CDHR5: variants seen among roughly 807,000 people sequenced by gnomAD.
CDHR5 encodes cadherin related family member 5.
A neutral mutation model predicts 69.5 loss-of-function variants in CDHR5; 82 were observed. That is an observed-to-expected ratio of 1.18 (90% CI 0.99 to 1.42). CDHR5 has a LOEUF of 1.42. CDHR5 is among the 40% of genes most tolerant of loss of function. The pLI is 0.00. For synonymous variants in CDHR5, 601 were observed against 510.2 expected (o/e 1.18, Z -2.40); for missense variants, 1,293 against 1,168.9 (o/e 1.11, Z -1.55).
intron 7 of CDHR5, among the ~76,000 whole-genome samples, 166 bp downstream of exon 7, chr11:620,914 G>T (rs1857334932): frequency 1.3e-5 from 2 of 152,182 alleles, no homozygotes; most frequent in South Asian, 2.1e-4. Flanking sequence ...CTCAAGATGG[G>T]AAGGGTTGGT....
chr11:621,774 A>G lies in CDHR5; in HGVS notation c.405+38T>C, dbSNP rs748773769. The G allele has an allele frequency of 6.3e-7, 1 of 1,581,902 alleles. No homozygotes were observed. The highest frequency in any genetic ancestry group is 2.2e-5 in the East Asian group (1 of 44,678). ...TCCTGCCCTCACCCTGGGCTCCCAC[A>G]CCCCCGTGCCCAGTCCCCGCGGCTT... On this transcript the variant is annotated intron_variant, in intron 4 of 14. Transcript: ENST00000397542. The surrounding 1 kb of genome is among the most constrained non-coding windows in gnomAD (Gnocchi z 4.4).
chr11:621,757 T>A lies in CDHR5; in HGVS notation c.405+55A>T. On this transcript the variant is annotated intron_variant, in intron 4 of 14. Transcript: ENST00000397542. The surrounding 1 kb of genome is among the most constrained non-coding windows in gnomAD (Gnocchi z 4.4). ...CCCGGCCACCACTCACCTCCTGCCCTCACCCTGGGCTCCCACACCCCCGTG... is the reference window on the plus strand; with the variant it reads ...CCCGGCCACCACTCACCTCCTGCCCACACCCTGGGCTCCCACACCCCCGTG... The A allele has an allele frequency of 6.4e-7, 1 of 1,565,790 alleles. No homozygotes were observed. Among genetic ancestry groups the A allele is most frequent in the Non-Finnish European group, 8.8e-7 (1 of 1,137,620 alleles).
At position 624,543 on chromosome 11, in the gene CDHR5, C is replaced by G. The variant is rs1325531251; in HGVS notation, c.261+14G>C. The G allele has an allele frequency of 6.2e-7, 1 of 1,604,976 alleles. No homozygotes were observed. Among genetic ancestry groups the G allele is most frequent in the Non-Finnish European group, 8.5e-7 (1 of 1,173,952 alleles). ...TCCCGGGACCCCCATATCCCGCCCG[C>G]CTGCCGCCCACACCTCGTAATCAGG... On this transcript the variant is annotated intron_variant, in intron 2 of 14. Transcript: ENST00000397542. The surrounding 1 kb of genome is among the most constrained non-coding windows in gnomAD (Gnocchi z 5.3).
chr11:619,363 C>G lies in CDHR5; in HGVS notation c.1321G>C (p.Gly441Arg), dbSNP rs777597024. 2.5e-6 allele frequency: 4 copies of G among 1,613,772 alleles called. No individual in the cohort carries two copies. The highest frequency in any genetic ancestry group is 3.4e-6 in the Non-Finnish European group (4 of 1,179,846). ...ATCTCAATGACTGTGGTTGCGGTGC[C>G]AGAGGTCACCGTGTTGTGGGCCTCA... is the stretch of plus-strand genomic sequence containing the variant. ...EVEAHNTVTS[G>R]TATTVIEIQV... Residue 441 changes from glycine to arginine, a missense_variant, in exon 12 of 15, where the codon GGC becomes CGC. By Grantham distance (125) the Gly-to-Arg change is moderately radical. Transcript: ENST00000397542.
Position 617,710 on chromosome 11 carries a change from C to T in CDHR5, c.2179G>A (p.Ala727Thr), listed in dbSNP as rs982524956. 67 of 1,459,750 alleles carry T rather than the reference C, an allele frequency of 4.6e-5. No homozygotes were observed. Among genetic ancestry groups the T allele is most frequent in the African/African-American group, 8.6e-5 (6 of 70,164 alleles). 90.4% of individuals were successfully genotyped at this position (1,459,750 alleles called of 1,614,324 possible). A position where few individuals can be genotyped will look rare whatever the true frequency, so the allele number is the denominator to read the frequency against. Reference protein sequence around the residue: ...AFLPDHKANWAPVPSPTHDPK... With the variant: ...AFLPDHKANWTPVPSPTHDPK... Reference sequence around the variant, plus strand: ...TCGTGCGTGGGGCTGGGGACGGGCGCCCAGTTGGCCTTGTGGTCAGGGAGG... The same window carrying T: ...TCGTGCGTGGGGCTGGGGACGGGCGTCCAGTTGGCCTTGTGGTCAGGGAGG... The change falls in exon 15 of 15, where the codon GCG (alanine) becomes ACG (threonine). Residue 727 changes from alanine (A) to threonine (T), a missense_variant. Ala to Thr is a moderately conservative substitution (Grantham distance 58). Transcript: ENST00000397542.
Position 624,008 on chromosome 11 carries a change from G to A in CDHR5, c.312+205C>T, listed in dbSNP as rs1024540363. 1.3e-5 allele frequency among the ~76,000 whole-genome samples: 2 copies of A among 152,118 alleles called. No homozygotes were observed. Among genetic ancestry groups the A allele is most frequent in the Non-Finnish European group, 2.9e-5 (2 of 68,000 alleles). On this transcript the variant is annotated intron_variant, in intron 3 of 14. Coordinates refer to ENST00000397542, the MANE Select transcript of CDHR5 (RefSeq NM_021924.5). This position sits in a 1 kb window ranked among gnomAD's most constrained non-coding sequence, Gnocchi z 5.3. ...TGGGAGTCTTGGGCACACTGGATGG[G>A]GTGTCTGCTGGACAAGGGGTCAGTG...
rs1310819705 is a variant in CDHR5 at position 619,304 on chromosome 11, AC to A, written c.1378+1del. ...GGGGCTCACCTGTGGAGGGGGGCTTACCTGTGGAGGGGGGCTCCTGTTCGGA... is the reference window on the plus strand; with the variant it reads ...GGGGCTCACCTGTGGAGGGGGGCTTACTGTGGAGGGGGGCTCCTGTTCGGA... On this transcript the variant is annotated splice_donor_variant, in intron 12 of 14. Transcript: ENST00000397542. LOFTEE classifies it high-confidence loss of function. 1 of 1,600,384 alleles carries A rather than the reference AC, an allele frequency of 6.2e-7. No homozygotes were observed. Among genetic ancestry groups the A allele is most frequent in the Admixed American group, 1.7e-5 (1 of 59,840 alleles).
chr11:621,174 A>G lies in CDHR5; in HGVS notation c.695T>C (p.Leu232Pro). Residue 232 changes from leucine (L) to proline (P), a missense_variant, in exon 7 of 15, where the codon CTG (leucine) becomes CCG (proline). Coordinates refer to ENST00000397542, the MANE Select transcript of CDHR5 (RefSeq NM_021924.5). This position sits in a 1 kb window ranked among gnomAD's most constrained non-coding sequence, Gnocchi z 4.4. ...GCAGGGCAGGAACCACGGGGGCCGC[A>G]GGTCGGCGGGCACCACGTTCAGCAC... is the stretch of plus-strand genomic sequence containing the variant. Reference protein sequence around the residue: ...TLVLNVVPADLRPPWFLPCTF... With the variant: ...TLVLNVVPADPRPPWFLPCTF... 1 of 1,605,688 alleles carries G rather than the reference A, an allele frequency of 6.2e-7. No individual in the cohort carries two copies. Among genetic ancestry groups the G allele is most frequent in the Non-Finnish European group, 8.5e-7 (1 of 1,175,688 alleles).
Position 618,671 on chromosome 11 carries a change from C to G in CDHR5, c.1888G>C (p.Gly630Arg). The G allele has an allele frequency of 6.3e-7, 1 of 1,591,890 alleles. No individual in the cohort carries two copies. The highest frequency in any genetic ancestry group is 1.7e-5 in the Admixed American group (1 of 57,312). ...GGCTCTGGGGTCTGTGCTGTGCCCC[C>G]ACCGGGTGTGGTTGGTTGGTGGGAG... is the stretch of plus-strand genomic sequence containing the variant. ...STSHQPTTPG[G>R]GTAQTPEPGT... The change falls in exon 13 of 15, where the codon GGG becomes CGG. Residue 630 changes from glycine to arginine, a missense_variant. Coordinates refer to ENST00000397542, the MANE Select transcript of CDHR5 (RefSeq NM_021924.5).
At position 618,675 on chromosome 11, in the gene CDHR5, G is replaced by A. The variant is rs142670659; in HGVS notation, c.1884C>T (p.Pro628=). 29,726 of 1,597,176 alleles carry A rather than the reference G, an allele frequency of 0.019. 347 individuals are homozygous for A. The highest frequency in any genetic ancestry group is 0.035 in the South Asian group (3,129 of 90,334). The stretch of plus-strand genomic sequence containing the variant: ...CTGGGGTCTGTGCTGTGCCCCCACC[G>A]GGTGTGGTTGGTTGGTGGGAGGTGC... ...GTSTSHQPTT[P]GGGTAQTPEP... Residue 628 remains proline (P), a synonymous_variant, in exon 13 of 15, where the codon CCC becomes CCT. Transcript: ENST00000397542.
chr11:619,072 G>A lies in CDHR5; in HGVS notation c.1487C>T (p.Ser496Phe), dbSNP rs1026698911. The A allele has an allele frequency of 2.9e-5, 46 of 1,612,606 alleles. No homozygotes were observed. Among genetic ancestry groups the A allele is most frequent in the Non-Finnish European group, 3.8e-5 (45 of 1,179,700 alleles). The change falls in exon 13 of 15, where the codon TCT (serine) becomes TTT (phenylalanine). Residue 496 changes from serine to phenylalanine, a missense_variant. Coordinates refer to ENST00000397542, the MANE Select transcript of CDHR5 (RefSeq NM_021924.5). ...TGGATGAGGGCCTGTGCCTCCCCCA[G>A]AGCTGGTCGTGGAGGGTCCCTGGGA... ...EPSQGPSTTS[S>F]GGGTGPHPPS... is the part of the protein sequence containing the mutation.
At position 620,281 on chromosome 11, in the gene CDHR5, C is replaced by T; in HGVS notation, c.880+15G>A. Reference sequence around the variant, plus strand: ...AGGGGGTACAGGGCATTGTTGAGGGCTGGGCCCCACTCACCCCTAAAGATG... The same window carrying T: ...AGGGGGTACAGGGCATTGTTGAGGGTTGGGCCCCACTCACCCCTAAAGATG... On this transcript the variant is annotated intron_variant, in intron 8 of 14. Transcript: ENST00000397542. 6.2e-7 allele frequency: 1 copy of T among 1,603,434 alleles called. No homozygotes were observed. Among genetic ancestry groups the T allele is most frequent in the Non-Finnish European group, 8.5e-7 (1 of 1,172,538 alleles).
chr11:624,096 G>T lies in CDHR5; in HGVS notation c.312+117C>A. 1.5e-6 allele frequency: 1 copy of T among 666,664 alleles called. No homozygotes were observed. Among genetic ancestry groups the T allele is most frequent in the Non-Finnish European group, 2.8e-6 (1 of 360,448 alleles). 41.3% of individuals were successfully genotyped at this position (666,664 alleles called of 1,614,324 possible). On this transcript the variant is annotated intron_variant, in intron 3 of 14. Transcript: ENST00000397542. This position sits in a 1 kb window ranked among gnomAD's most constrained non-coding sequence, Gnocchi z 5.3. ...AGGAAATGTGGGCATCACCCTCGGG[G>T]GGGTGGAATTTGAAACCACACCCTA...
At position 624,542 on chromosome 11, in the gene CDHR5, G is replaced by A. The variant is rs759377604; in HGVS notation, c.261+15C>T. On this transcript the variant is annotated intron_variant, in intron 2 of 14. Transcript: ENST00000397542. The surrounding 1 kb of genome is among the most constrained non-coding windows in gnomAD (Gnocchi z 5.3). The stretch of plus-strand genomic sequence containing the variant: ...CTCCCGGGACCCCCATATCCCGCCC[G>A]CCTGCCGCCCACACCTCGTAATCAG... 89 of 1,604,578 alleles carry A rather than the reference G, an allele frequency of 5.5e-5. 1 individual carries two copies. The highest frequency in any genetic ancestry group is 2.7e-4 in the East Asian group (12 of 44,740).
rs1205028484 is a variant in CDHR5 at position 617,163 on chromosome 11, C to T, written c.*188G>A. The T allele has an allele frequency of 3.3e-6, 2 of 601,260 alleles. No individual in the cohort carries two copies. Among genetic ancestry groups the T allele is most frequent in the East Asian group, 2.8e-5 (1 of 35,608 alleles). The allele number at this position is 601,260 out of a possible 1,614,324, so 37.2% of individuals were successfully genotyped here. A position where few individuals can be genotyped will look rare whatever the true frequency, so the allele number is the denominator to read the frequency against. On this transcript the variant is annotated 3_prime_UTR_variant, in exon 15 of 15. Coordinates refer to ENST00000397542, the MANE Select transcript of CDHR5 (RefSeq NM_021924.5). ...AGCGTGGCCAGACCCACCGCCTCAT[C>T]TGCACACCTGGGCTCAAGCGCTAAT...
chr11:623,671 G>A (rs1252981774), intron 3 of CDHR5, among the ~76,000 whole-genome samples: 1 of 152,110 alleles, frequency 6.6e-6, no homozygotes. Context: ...GCTGGGGTGG[G>A]CTGGGCAGCC....
Position 617,727 on chromosome 11 carries a change from T to C in CDHR5, c.2162A>G (p.Asp721Gly), listed in dbSNP as rs908269069. 2.7e-6 allele frequency: 4 copies of C among 1,460,622 alleles called. No homozygotes were observed. The African/African-American group carries it at 5.7e-5, about 21-fold the overall frequency. The allele number at this position is 1,460,622 out of a possible 1,614,324, so 90.5% of individuals were successfully genotyped here. A position where few individuals can be genotyped will look rare whatever the true frequency, so the allele number is the denominator to read the frequency against. Residue 721 changes from aspartate to glycine, a missense_variant, in exon 15 of 15, where the codon GAC (aspartate) becomes GGC (glycine). Physicochemically the swap from Asp to Gly is moderately conservative, Grantham distance 94. Transcript: ENST00000397542. ...QGFDNQAFLP[D>G]HKANWAPVPS... ...GACGGGCGCCCAGTTGGCCTTGTGG[T>C]CAGGGAGGAACGCCTGGTTGTCAAA... is the stretch of plus-strand genomic sequence containing the variant.
Position 617,296 on chromosome 11 carries a change from G to A in CDHR5, c.*55C>T. 2 of 1,353,864 alleles carry A rather than the reference G, an allele frequency of 1.5e-6. No homozygotes were observed. The highest frequency in any genetic ancestry group is 2.1e-6 in the Non-Finnish European group (2 of 972,272). The allele number at this position is 1,353,864 out of a possible 1,614,324, so 83.9% of individuals were successfully genotyped here. A position where few individuals can be genotyped will look rare whatever the true frequency, so the allele number is the denominator to read the frequency against. Reference sequence around the variant, plus strand: ...TTTATTCTGCCTCGGGTCGGAGGCTGGGGGAGCGAGACCTCCAGTGCCCGT... The same window carrying A: ...TTTATTCTGCCTCGGGTCGGAGGCTAGGGGAGCGAGACCTCCAGTGCCCGT... On this transcript the variant is annotated 3_prime_UTR_variant, in exon 15 of 15. Coordinates refer to ENST00000397542, the MANE Select transcript of CDHR5 (RefSeq NM_021924.5).
rs543178393 is a variant in CDHR5, at chr11:621,104, C to T, written c.765G>A (p.Gly255=). The change falls in exon 7 of 15, where the codon GGG becomes GGA. Residue 255 remains glycine (G), a synonymous_variant. Coordinates refer to ENST00000397542, the MANE Select transcript of CDHR5 (RefSeq NM_021924.5). The surrounding 1 kb of genome is among the most constrained non-coding windows in gnomAD (Gnocchi z 4.4). ...GYVCIQAQYH[G]AVPTGHILPS... ...CCAGTATGTGCCCCGTGGGGACAGC[C>T]CCGTGGTACTGAGCTTGAATGCAGA... is the stretch of plus-strand genomic sequence containing the variant. The T allele has an allele frequency of 1.3e-6, 2 of 1,561,494 alleles. No homozygotes were observed. The highest frequency in any genetic ancestry group is 2.4e-5 in the South Asian group (2 of 82,666).
Sources: gnomAD v4.1 joint callset for allele counts (sites outside exome capture counted in the v4.1 genomes callset) on GRCh38, gnomAD v4.1.1 for gene constraint, Gnocchi (gnomAD v3.1) non-coding constraint, MANE v1.5 for transcripts, NCBI Gene and HGNC (gene_info 2026-07-23, HGNC 2026-07-21) for gene names.